Variants in DOCK5 observed in about 807,000 individuals in gnomAD.
The protein encoded by DOCK5 is dedicator of cytokinesis 5, also known as dedicator of cytokinesis protein 5.
DOCK5 carries 142 observed loss-of-function variants against 251.8 expected under a neutral mutation model. That is an observed-to-expected ratio of 0.56 (90% CI 0.49 to 0.65). The LOEUF (loss-of-function observed/expected upper bound fraction) is 0.65, where lower values mean the gene tolerates loss of function less well. Among genes scored for constraint, DOCK5 ranks in the 30% least tolerant of loss-of-function variants. DOCK5 has a pLI of 0.00. For synonymous variants in DOCK5, 842 were observed against 835.5 expected, an observed-to-expected ratio of 1.01 and a Z score of -0.13; for missense variants, 2,111 against 2,312.3, an observed-to-expected ratio of 0.91 and a Z score of 1.79.
At chr8:25,385,212 G>A (rs1025666698) in intron 40 of DOCK5, among the ~76,000 whole-genome samples, 6 of 152,162 alleles carry the variant, frequency 3.9e-5, no homozygotes, top group Non-Finnish European at 7.4e-5. Flanking sequence ...AGAGCAGTGG[G>A]AGCTGCTGCA....
intron 45 of DOCK5, 187 bp downstream of exon 45, chr8:25,395,906 C>G (rs1373557241): frequency 1.3e-6 from 1 of 766,828 alleles, no homozygotes; most frequent in African/African-American, 1.7e-5. Flanking sequence ...AGCAACCCAG[C>G]TGGTATAGAA....
chr8:25,333,562 C>T (rs1024136984), intron 20 of DOCK5, among the ~76,000 whole-genome samples: 1 of 152,146 alleles, frequency 6.6e-6, no homozygotes, highest in African/African-American at 2.4e-5. Flanking sequence ...ATCCCAAATG[C>T]CTCTTTCTTC....
intron 40 of DOCK5, among the ~76,000 whole-genome samples, chr8:25,383,059 G>A (rs1174701703): frequency 6.6e-6 from 1 of 152,168 alleles, no homozygotes; most frequent in Admixed American, 6.5e-5. Flanking sequence ...GGTCACGCCA[G>A]GGAAAAGTGT....
chr8:25,215,445 A>T (rs530545131), intron 1 of DOCK5, among the ~76,000 whole-genome samples: 16 of 152,146 alleles, frequency 1.1e-4, no homozygotes, highest in Middle Eastern at 3.4e-3. Flanking sequence ...TGTTTCTTCT[A>T]CACCCCGATC....
At chr8:25,400,707 C>T (rs987804830) in intron 46 of DOCK5, among the ~76,000 whole-genome samples, 2 of 152,112 alleles carry the variant, frequency 1.3e-5, no homozygotes, top group Admixed American at 6.5e-5. Context: ...CACAGTCCTT[C>T]CCCAGTTTAG....
At chr8:25,325,693 A>C (rs1805547882) in intron 18 of DOCK5, 146 bp downstream of exon 18, 2 of 954,730 alleles carry the variant, frequency 2.1e-6, no homozygotes, top group South Asian at 4.0e-5. Context: ...CTGCTTTTCA[A>C]GTGGTATTCT....
intron 11 of DOCK5, 117 bp from the exon 12 acceptor site, chr8:25,308,666 G>A: frequency 3.9e-6 from 4 of 1,016,974 alleles, no homozygotes; most frequent in South Asian, 2.0e-5. Flanking sequence ...GAAAGATAGG[G>A]GTACTTAGTG....
Position 25,359,034 on chromosome 8 carries a change from C to G in DOCK5, c.2922C>G (p.Ser974Arg), listed in dbSNP as rs757579873. 11 of 1,614,006 alleles carry G rather than the reference C, an allele frequency of 6.8e-6. No homozygotes were observed. In the Admixed American group the frequency reaches 1.8e-4, roughly 27 times the overall value. ...ACAGCCACTATAGCCACTACATCAG[C>G]ACTTTCAAAACCAGACAAGACATCA... is the stretch of plus-strand genomic sequence containing the variant. ...MDDSHYSHYI[S>R]TFKTRQDIID... is the part of the protein sequence containing the mutation. The change falls in exon 28 of 52, where the codon AGC becomes AGG. Residue 974 changes from serine (S) to arginine (R), a missense_variant. Ser to Arg is a moderately radical substitution (Grantham distance 110). Transcript: ENST00000276440.
At chr8:25,351,985 T>G (rs1343146373) in intron 27 of DOCK5, among the ~76,000 whole-genome samples, 159 bp downstream of exon 27, 2 of 152,102 alleles carry the variant, frequency 1.3e-5, no homozygotes. Context: ...GATTCTGACA[T>G]GGATTTTCTG....
chr8:25,408,841 T>G lies in DOCK5; in HGVS notation c.5305T>G (p.Leu1769Val). 6.2e-7 allele frequency: 1 copy of G among 1,613,988 alleles called. No individual in the cohort carries two copies. The highest frequency in any genetic ancestry group is 8.5e-7 in the Non-Finnish European group (1 of 1,179,888). The change falls in exon 50 of 52, where the codon TTG (leucine) becomes GTG (valine). Residue 1769 changes from leucine (L) to valine (V), a missense_variant. Transcript: ENST00000276440. ...AGCACAAAGGCCAAAGAGTCTCCAG[T>G]TGATGGATAATCGGCTATCACCATT... ...RKAQRPKSLQ[L>V]MDNRLSPFHG... is the part of the protein sequence containing the mutation.
At chr8:25,407,888 A>T in intron 48 of DOCK5, 95 bp from the exon 49 acceptor site, 4 of 1,214,774 alleles carry the variant, frequency 3.3e-6, no homozygotes, top group South Asian at 1.8e-5. Context: ...AAAAAAAAAT[A>T]GCCTAAAGAG....
rs1802078790 is a variant in DOCK5, at chr8:25,209,659, G to A, written c.43+24708G>A. ...GTTTAGAAATCTTTGGGGACTCAAG[G>A]ATCCCAGCTTAAGAAGAAGTCTTGC... On this transcript the variant is annotated intron_variant, in intron 1 of 51. Coordinates refer to ENST00000276440, the MANE Select transcript of DOCK5 (RefSeq NM_024940.8). Among the ~76,000 whole-genome samples the A allele has an allele frequency of 2.9e-5, 2 of 69,714 alleles. 1 individual carries two copies. The highest frequency in any genetic ancestry group is 6.5e-5 in the African/African-American group (2 of 30,696). 45.7% of individuals were successfully genotyped at this position (69,714 alleles called of 152,430 possible). A position where few individuals can be genotyped will look rare whatever the true frequency, so the allele number is the denominator to read the frequency against.
chr8:25,184,888 CCGCGGGGCGAGGTCGCCGCCAT>C lies in DOCK5; in HGVS notation c.-20_2del. 1.4e-6 allele frequency: 2 copies of C among 1,383,926 alleles called. No individual in the cohort carries two copies. The highest frequency in any genetic ancestry group is 1.9e-6 in the Non-Finnish European group (2 of 1,061,856). 85.7% of individuals were successfully genotyped at this position (1,383,926 alleles called of 1,614,324 possible). A position where few individuals can be genotyped will look rare whatever the true frequency, so the allele number is the denominator to read the frequency against. On this transcript the variant is annotated start_lost and 5_prime_UTR_variant, in exon 1 of 52. Transcript: ENST00000276440. ...GCTGTAGCAGCCTTAGTCGCCGCCG[CCGCGGGGCGAGGTCGCCGCCAT>C]GGCCCGCTGGATCCCGACCAAGAGG...
chr8:25,308,458 G>T (rs1364065732), intron 11 of DOCK5, among the ~76,000 whole-genome samples: 1 of 152,022 alleles, frequency 6.6e-6, no homozygotes, highest in Admixed American at 6.6e-5. Context: ...TTCCGTGGGT[G>T]CTCTGTCTTC....
At chr8:25,333,376 G>A (rs759119251) in intron 20 of DOCK5, among the ~76,000 whole-genome samples, 22 of 152,200 alleles carry the variant, frequency 1.4e-4, no homozygotes, top group Non-Finnish European at 3.1e-4. Context: ...TTTAGGAAAT[G>A]ATTAGGGTAT....
chr8:25,189,645 G>A (rs1343899496), intron 1 of DOCK5, among the ~76,000 whole-genome samples: 2 of 152,180 alleles, frequency 1.3e-5, no homozygotes, highest in Non-Finnish European at 2.9e-5. Context: ...ACAGGCATGA[G>A]CCACCACACC....
At chr8:25,257,195 G>A (rs552768075) in intron 2 of DOCK5, among the ~76,000 whole-genome samples, 6 of 152,256 alleles carry the variant, frequency 3.9e-5, no homozygotes, top group South Asian at 2.1e-4. Flanking sequence ...AAGCACTGCC[G>A]TTGGTCCCTG....
chr8:25,217,072 T>G (rs934271049), intron 1 of DOCK5, among the ~76,000 whole-genome samples: 5 of 148,664 alleles, frequency 3.4e-5, no homozygotes, highest in Non-Finnish European at 4.5e-5. Flanking sequence ...AATATGTATA[T>G]ATGTATATAT....
chr8:25,214,308 T>C (rs917020594), intron 1 of DOCK5, among the ~76,000 whole-genome samples: 3 of 152,246 alleles, frequency 2.0e-5, no homozygotes, highest in African/African-American at 7.2e-5. Context: ...TTGGATATTT[T>C]CCTCTTTCTC....
Sources: allele counts gnomAD v4.1 joint callset (sites outside exome capture counted in the v4.1 genomes callset), GRCh38; gene constraint gnomAD v4.1.1; transcripts MANE v1.5; gene names NCBI Gene and HGNC (gene_info 2026-07-23, HGNC 2026-07-21).